RORA: variants seen among roughly 807,000 people sequenced by gnomAD.
RORA encodes the protein nuclear receptor ROR-alpha.
RORA carries 7 observed loss-of-function variants against 69.5 expected under a neutral mutation model. The ratio of observed to expected loss-of-function variants is 0.10; its 90% CI spans 0.06 to 0.19. The LOEUF is 0.19. Among genes scored for constraint, RORA ranks in the 10% least tolerant of loss-of-function variants. RORA has a pLI of 1.00. For synonymous variants in RORA, 261 were observed against 240.8 expected, an observed-to-expected ratio of 1.08 and a Z score of -0.78; for missense variants, 457 against 663.0, an observed-to-expected ratio of 0.69 and a Z score of 3.41.
At chr15:60,874,979 A>G (rs1449594559) in intron 1 of RORA, among the ~76,000 whole-genome samples, 2 of 152,198 alleles carry the variant, frequency 1.3e-5, no homozygotes, top group Non-Finnish European at 2.9e-5. Context: ...CAGGAAACTC[A>G]CAACAAAATT....
intron 1 of RORA, among the ~76,000 whole-genome samples, chr15:61,218,294 G>A (rs1372815437): frequency 6.6e-6 from 1 of 151,922 alleles, no homozygotes; most frequent in African/African-American, 2.4e-5. Flanking sequence ...GAGGCAAGCG[G>A]TTCCAGTGTT....
intron 1 of RORA, among the ~76,000 whole-genome samples, chr15:60,789,991 C>T (rs972811620): frequency 6.6e-6 from 1 of 152,172 alleles, no homozygotes; most frequent in African/African-American, 2.4e-5. Context: ...ATGATACAAC[C>T]GATAAGTGTT....
chr15:60,574,496 T>C (rs1439260087), intron 2 of RORA, among the ~76,000 whole-genome samples: 1 of 152,242 alleles, frequency 6.6e-6, no homozygotes, highest in Non-Finnish European at 1.5e-5. Flanking sequence ...CAAAGGCCCC[T>C]GTTAAAATGC....
chr15:60,712,908 G>A (rs770218032), intron 1 of RORA, among the ~76,000 whole-genome samples: 1 of 152,144 alleles, frequency 6.6e-6, no homozygotes, highest in Non-Finnish European at 1.5e-5. Context: ...TTGGACAAGA[G>A]AGCCTGACCT....
intron 1 of RORA, among the ~76,000 whole-genome samples, chr15:61,054,768 C>T (rs539844786): frequency 1.6e-4 from 24 of 151,456 alleles, no homozygotes; most frequent in African/African-American, 5.8e-4. Flanking sequence ...CAATGGTTGA[C>T]TCTCCCTTTA....
intron 1 of RORA, among the ~76,000 whole-genome samples, chr15:60,821,067 T>G (rs1207708981): frequency 1.3e-5 from 2 of 151,482 alleles, no homozygotes; most frequent in African/African-American, 4.9e-5. Flanking sequence ...CTATGCCAGG[T>G]GTCACCAATT....
chr15:60,780,459 A>G (rs143713334), intron 1 of RORA, among the ~76,000 whole-genome samples: 4,107 of 152,322 alleles, frequency 0.027, 89 homozygotes, highest in Non-Finnish European at 0.04. Context: ...TTTAAAAAGA[A>G]TCAGGCGAGC....
At chr15:60,952,640 A>T (rs1893144254) in intron 1 of RORA, among the ~76,000 whole-genome samples, 1 of 152,170 alleles carries the variant, frequency 6.6e-6, no homozygotes, top group African/African-American at 2.4e-5. Flanking sequence ...ATTCCTATAC[A>T]CCAATAACAG....
rs569836637 is a variant in RORA at position 60,882,749 on chromosome 15, T to C, written c.167-204063A>G. Among the ~76,000 whole-genome samples the C allele has an allele frequency of 1.1e-4, 17 of 152,298 alleles. No individual in the cohort carries two copies. In the South Asian group the frequency reaches 3.3e-3, roughly 30 times the overall value. On this transcript the variant is annotated intron_variant, in intron 1 of 10. Transcript: ENST00000335670. ...CTGCTGGACATAGGATTGTACTGATTTTCCCTCCTTGTTCTGATACGTTCA... is the reference window on the plus strand; with the variant it reads ...CTGCTGGACATAGGATTGTACTGATCTTCCCTCCTTGTTCTGATACGTTCA...
intron 1 of RORA, among the ~76,000 whole-genome samples, chr15:61,057,310 G>A (rs2078109886): frequency 6.6e-6 from 1 of 152,228 alleles, no homozygotes; most frequent in Admixed American, 6.5e-5. Flanking sequence ...ATACAGGAAA[G>A]AGTCAGAATA....
intron 3 of RORA, among the ~76,000 whole-genome samples, chr15:60,516,021 T>A (rs866131890): frequency 0.015 from 174 of 11,736 alleles, 18 homozygotes; most frequent in African/African-American, 0.025. Context: ...TTATATATAT[T>A]TATATATTTA....
chr15:60,936,546 C>T (rs1275423936), intron 1 of RORA, among the ~76,000 whole-genome samples: 3 of 152,218 alleles, frequency 2.0e-5, no homozygotes, highest in African/African-American at 7.2e-5. Context: ...GCATCCTCTC[C>T]ATCACCGTCA....
intron 1 of RORA, among the ~76,000 whole-genome samples, chr15:61,026,756 T>C (rs1435720987): frequency 6.6e-6 from 1 of 152,194 alleles, no homozygotes; most frequent in African/African-American, 2.4e-5. Context: ...CCTTTGCCTG[T>C]TCCTATTTTA....
At chr15:60,569,707 A>T (rs565029541) in intron 2 of RORA, among the ~76,000 whole-genome samples, 44 of 152,288 alleles carry the variant, frequency 2.9e-4, no homozygotes, top group Admixed American at 5.9e-4. Flanking sequence ...GAATGGCTTG[A>T]ACAGGGGAGG....
At chr15:61,132,025 C>G (rs1456536033) in intron 1 of RORA, among the ~76,000 whole-genome samples, 4 of 152,184 alleles carry the variant, frequency 2.6e-5, no homozygotes, top group Non-Finnish European at 5.9e-5. Context: ...TCACTTTCTC[C>G]TTCCCTCCCT....
chr15:60,640,260 C>G (rs777525123), intron 2 of RORA, among the ~76,000 whole-genome samples: 5 of 152,180 alleles, frequency 3.3e-5, no homozygotes, highest in Non-Finnish European at 7.3e-5. Flanking sequence ...CCCTGGACAT[C>G]AGTTGCATCT....
intron 1 of RORA, among the ~76,000 whole-genome samples, chr15:61,219,291 T>C (rs892885818): frequency 6.6e-6 from 1 of 152,214 alleles, no homozygotes; most frequent in African/African-American, 2.4e-5. Flanking sequence ...ATAGCCTCAT[T>C]AGGCTGGGTG....
chr15:60,689,701 T>C (rs970894077), intron 1 of RORA, among the ~76,000 whole-genome samples: 8 of 152,194 alleles, frequency 5.3e-5, no homozygotes, highest in African/African-American at 1.9e-4. Flanking sequence ...CTACTATCTG[T>C]GTAAGAGGAA....
At chr15:60,584,585 T>C (rs145422500) in intron 2 of RORA, among the ~76,000 whole-genome samples, 6 of 152,356 alleles carry the variant, frequency 3.9e-5, no homozygotes, top group African/African-American at 1.4e-4. Flanking sequence ...GGAAGGTGTC[T>C]CAGCTCCTAT....
Sources: gnomAD v4.1 joint callset for allele counts (sites outside exome capture counted in the v4.1 genomes callset) on GRCh38, gnomAD v4.1.1 for gene constraint, MANE v1.5 for transcripts, NCBI Gene and HGNC (gene_info 2026-07-23, HGNC 2026-07-21) for gene names.